Variants in CELF2 observed in about 807,000 individuals in gnomAD.
CELF2 encodes the protein CUGBP Elav-like family member 2, also known as CUG triplet repeat RNA-binding protein 2.
In CELF2, 8 loss-of-function variants were observed where a neutral mutation model predicts 62.6. That is an observed-to-expected ratio of 0.13 (90% CI 0.07 to 0.23). The LOEUF (loss-of-function observed/expected upper bound fraction) is 0.23, where lower values mean the gene tolerates loss of function less well. Ranked by LOEUF, CELF2 falls within the 10% of genes least tolerant of loss-of-function variation. CELF2 has a pLI of 1.00. For synonymous variants in CELF2, 258 were observed against 250.0 expected, an observed-to-expected ratio of 1.03 and a Z score of -0.30; for missense variants, 333 against 671.0, an observed-to-expected ratio of 0.50 and a Z score of 5.56.
chr10:10,736,396 C>CTTTCTT, the CELF2 span, among the ~76,000 whole-genome samples: 83 of 75,982 alleles, frequency 1.1e-3, no homozygotes, highest in African/African-American at 3.5e-3. Context: ...TTCTTTCTTT[C>CTTTCTT]TTTTTTTTTT....
At chr10:10,617,707 A>G in the CELF2 span, among the ~76,000 whole-genome samples, 1 of 115,504 alleles carries the variant, frequency 8.7e-6, no homozygotes, top group African/African-American at 3.1e-5. Flanking sequence ...TAGGCTTTGT[A>G]AAGGGGGGGG....
chr10:10,555,695 G>C, the CELF2 span, among the ~76,000 whole-genome samples: 1 of 152,096 alleles, frequency 6.6e-6, no homozygotes, highest in Non-Finnish European at 1.5e-5. Context: ...GAAATCTACA[G>C]CCCCTTCACT....
At chr10:11,215,447 C>A (rs998664725) in intron 2 of CELF2, among the ~76,000 whole-genome samples, 2 of 152,212 alleles carry the variant, frequency 1.3e-5, no homozygotes, top group Non-Finnish European at 2.9e-5. Context: ...TGTGGCGTGG[C>A]CAAACTGGCA....
chr10:10,861,449 T>G (rs1047263368), intron 1 of CELF2, among the ~76,000 whole-genome samples: 1 of 152,188 alleles, frequency 6.6e-6, no homozygotes, highest in African/African-American at 2.4e-5. Flanking sequence ...TAGAAACTCA[T>G]AGTATGGAGG....
intron 5 of CELF2, among the ~76,000 whole-genome samples, chr10:11,258,513 A>G (rs1369804165): frequency 1.3e-5 from 2 of 152,134 alleles, no homozygotes; most frequent in Non-Finnish European, 2.9e-5. Flanking sequence ...TGTAGCTCAG[A>G]GCCTTGACGA....
At chr10:11,187,576 C>T (rs951047411) in intron 2 of CELF2, among the ~76,000 whole-genome samples, 1 of 110,430 alleles carries the variant, frequency 9.1e-6, no homozygotes, top group Non-Finnish European at 1.7e-5. Context: ...TAAGGTCGCC[C>T]CCCCCCCAAC....
rs941055211 is a variant in CELF2, at chr10:10,804,966, G to A, written c.53+6149G>A. Among the ~76,000 whole-genome samples, 7 of 152,310 alleles carry A rather than the reference G, an allele frequency of 4.6e-5. No individual in the cohort carries two copies. In the South Asian group the frequency reaches 1.0e-3, roughly 23 times the overall value. On this transcript the variant is annotated intron_variant, in intron 1 of 13. Transcript: ENST00000636488. ...TTAAAGATGTATAGAGCCAGAAAAG[G>A]TTGCATGGATGCTCTGCTTGTATTC...
chr10:11,214,609 G>A lies in CELF2; in HGVS notation c.272-2816G>A, dbSNP rs554296820. Among the ~76,000 whole-genome samples, 4 of 152,320 alleles carry A rather than the reference G, an allele frequency of 2.6e-5. No individual in the cohort carries two copies. The highest frequency in any genetic ancestry group is 6.5e-5 in the Admixed American group (1 of 15,304). On this transcript the variant is annotated intron_variant, in intron 2 of 12. Transcript: ENST00000633077. The surrounding 1 kb of genome is among the most constrained non-coding windows in gnomAD (Gnocchi z 4.2). ...AAGGCTCCAGGCTTCCCTGCCAAAC[G>A]CGGCGCCTGTGGAGCTGTGCTGGGG...
At chr10:10,812,095 A>G in intron 1 of CELF2, among the ~76,000 whole-genome samples, 1 of 152,134 alleles carries the variant, frequency 6.6e-6, no homozygotes, top group East Asian at 1.9e-4. Flanking sequence ...GTCCATTTTC[A>G]TGTTGCTGAC....
intron 1 of CELF2, among the ~76,000 whole-genome samples, chr10:10,846,393 G>A (rs2059015656): frequency 6.6e-6 from 1 of 151,994 alleles, no homozygotes; most frequent in African/African-American, 2.4e-5. Context: ...CTGCTGCCTG[G>A]ACACTGAGAG....
intron 2 of CELF2, among the ~76,000 whole-genome samples, chr10:10,933,911 G>A (rs2066358013): frequency 6.6e-6 from 1 of 152,194 alleles, no homozygotes; most frequent in South Asian, 2.1e-4. Flanking sequence ...ACACGGGAGT[G>A]CAGATATGTC....
chr10:11,039,039 T>G lies in CELF2; in HGVS notation c.74+20876T>G, dbSNP rs867819512. On this transcript the variant is annotated intron_variant, in intron 1 of 12. Coordinates refer to ENST00000633077, the MANE Select transcript of CELF2 (RefSeq NM_001326342.2). This position sits in a 1 kb window ranked among gnomAD's most constrained non-coding sequence, Gnocchi z 4.1. ...CACCCTAAGCCAAGTGCGCCTGAGCTTCCACAGTATCCTGGACAAGTGTGC... is the reference window on the plus strand; with the variant it reads ...CACCCTAAGCCAAGTGCGCCTGAGCGTCCACAGTATCCTGGACAAGTGTGC... Among the ~76,000 whole-genome samples the G allele has an allele frequency of 6.6e-5, 10 of 152,190 alleles. No individual in the cohort carries two copies. The highest frequency in any genetic ancestry group is 2.4e-4 in the African/African-American group (10 of 41,440).
intron 2 of CELF2, among the ~76,000 whole-genome samples, chr10:10,922,477 T>A (rs2134757035): frequency 6.6e-6 from 1 of 152,304 alleles, no homozygotes; most frequent in Non-Finnish European, 1.5e-5. Context: ...ACCCACTCCG[T>A]GCTGTAATCA....
intron 1 of CELF2, among the ~76,000 whole-genome samples, chr10:11,102,572 G>T (rs964195342): frequency 6.6e-6 from 1 of 152,114 alleles, no homozygotes; most frequent in African/African-American, 2.4e-5. Flanking sequence ...TGAAACTCGG[G>T]GCCCTGTTCT....
intron 1 of CELF2, among the ~76,000 whole-genome samples, chr10:10,859,904 A>G (rs2059956610): frequency 6.6e-6 from 1 of 152,150 alleles, no homozygotes; most frequent in Non-Finnish European, 1.5e-5. Flanking sequence ...TTTGGTGTCA[A>G]TCTTCTTTTA....
At chr10:11,184,297 G>T (rs940182286) in intron 2 of CELF2, among the ~76,000 whole-genome samples, 4 of 152,208 alleles carry the variant, frequency 2.6e-5, no homozygotes, top group Non-Finnish European at 5.9e-5. Flanking sequence ...ATTAGTTACT[G>T]CAACTTTATC....
At chr10:11,197,035 A>G (rs1253207861) in intron 2 of CELF2, among the ~76,000 whole-genome samples, 3,699 of 35,970 alleles carry the variant, frequency 0.1, 1,051 homozygotes, top group African/African-American at 0.28. Flanking sequence ...AAAAGAAAGA[A>G]AGAAAGAAAG....
At chr10:10,639,462 C>T in the CELF2 span, among the ~76,000 whole-genome samples, 2 of 152,106 alleles carry the variant, frequency 1.3e-5, no homozygotes, top group African/African-American at 2.4e-5. Flanking sequence ...ATTTTATAAA[C>T]GTTGGAGGAG....
In CELF2 at chr10:11,237,009, A is replaced by G. The variant is rs2071631836; in HGVS notation, c.355-12144A>G. Among the ~76,000 whole-genome samples the G allele has an allele frequency of 1.3e-5, 2 of 152,324 alleles. No individual in the cohort carries two copies. The highest frequency in any genetic ancestry group is 4.8e-5 in the African/African-American group (2 of 41,564). On this transcript the variant is annotated intron_variant, in intron 3 of 12. Coordinates refer to ENST00000633077, the MANE Select transcript of CELF2 (RefSeq NM_001326342.2). This position sits in a 1 kb window ranked among gnomAD's most constrained non-coding sequence, Gnocchi z 4.0. The stretch of plus-strand genomic sequence containing the variant: ...GGATATTAATTTGGTAGATAAGTCA[A>G]AGTCTTTGAGTGGGGGAGAAAAATT...
Sources: allele counts gnomAD v4.1 joint callset (sites outside exome capture counted in the v4.1 genomes callset), GRCh38; gene constraint gnomAD v4.1.1; non-coding constraint Gnocchi (gnomAD v3.1); transcripts MANE v1.5; gene names NCBI Gene and HGNC (gene_info 2026-07-23, HGNC 2026-07-21).